ASCC2: variants seen among roughly 807,000 people sequenced by gnomAD.
The protein encoded by ASCC2 is activating signal cointegrator 1 complex subunit 2.
ASCC2 carries 42 observed loss-of-function variants against 93.5 expected under a neutral mutation model. The observed-to-expected ratio is 0.45, with a 90% CI of 0.35 to 0.58. ASCC2 has a LOEUF of 0.58. Among genes scored for constraint, ASCC2 ranks in the 20% least tolerant of loss-of-function variants. ASCC2 has a pLI of 0.00. For missense variants in ASCC2, 859 were observed against 977.6 expected, an observed-to-expected ratio of 0.88 and a Z score of 1.62; for synonymous variants, 364 against 384.2, an observed-to-expected ratio of 0.95 and a Z score of 0.62.
chr22:29,826,910 GCA>G (rs2062414119), intron 2 of ASCC2, among the ~76,000 whole-genome samples: 1 of 151,698 alleles, frequency 6.6e-6, no homozygotes, highest in Non-Finnish European at 1.5e-5. Flanking sequence ...ATCCTGGCTA[GCA>G]CAGTGAAACC....
chr22:29,795,531 A>G (rs1176167683), intron 15 of ASCC2, among the ~76,000 whole-genome samples: 3 of 152,166 alleles, frequency 2.0e-5, no homozygotes, highest in Non-Finnish European at 2.9e-5. Context: ...GTATAAGAAA[A>G]GGGGGTTCCC....
intron 15 of ASCC2, among the ~76,000 whole-genome samples, chr22:29,798,207 T>C (rs1481823004): frequency 6.6e-6 from 1 of 152,212 alleles, no homozygotes; most frequent in Admixed American, 6.5e-5. Flanking sequence ...ACAACAGCCA[T>C]GCTGCACCTC....
At chr22:29,823,521 T>C (rs148255724) in intron 4 of ASCC2, among the ~76,000 whole-genome samples, 1 of 152,282 alleles carries the variant, frequency 6.6e-6, no homozygotes, top group Non-Finnish European at 1.5e-5. Flanking sequence ...TGTTGAAGGG[T>C]ACATGGGATT....
intron 5 of ASCC2, chr22:29,821,909 G>A (rs1009864989): frequency 2.0e-5 from 9 of 447,978 alleles, no homozygotes; most frequent in African/African-American, 1.2e-4. Context: ...TGAGTTGGGG[G>A]GATAGCTTTA....
chr22:29,795,045 C>T (rs1297568611), intron 15 of ASCC2, among the ~76,000 whole-genome samples: 1 of 151,854 alleles, frequency 6.6e-6, no homozygotes, highest in Non-Finnish European at 1.5e-5. Context: ...GTGCCTCAGG[C>T]TCCTGAGTAG....
At chr22:29,806,598 G>A (rs2059698647) in intron 10 of ASCC2, 45 bp from the exon 11 acceptor site, 1 of 1,572,242 alleles carries the variant, frequency 6.4e-7, no homozygotes, top group Non-Finnish European at 8.7e-7. Context: ...AATGCAAGAT[G>A]AGCTGCAGCT....
intron 19 of ASCC2, among the ~76,000 whole-genome samples, chr22:29,790,035 C>A (rs1264577412): frequency 6.6e-6 from 1 of 152,194 alleles, no homozygotes; most frequent in Non-Finnish European, 1.5e-5. Context: ...CCCTTAGGGG[C>A]CCAACTCAAG....
At chr22:29,811,006 C>A (rs756716393) in intron 8 of ASCC2, among the ~76,000 whole-genome samples, 1 of 152,202 alleles carries the variant, frequency 6.6e-6, no homozygotes, top group African/African-American at 2.4e-5. Flanking sequence ...GCTGGAATTA[C>A]AGCCATGAGC....
At chr22:29,830,863 G>A (rs1444293523) in intron 2 of ASCC2, among the ~76,000 whole-genome samples, 1 of 152,180 alleles carries the variant, frequency 6.6e-6, no homozygotes, top group Non-Finnish European at 1.5e-5. Context: ...AAAGGGCAAG[G>A]ACCAGGCCAT....
rs977820437 is a variant in ASCC2, at chr22:29,838,196, G to C, written c.-36C>G. The stretch of plus-strand genomic sequence containing the variant: ...CACTCACCTCGGCGGCTCCACCACC[G>C]GCTCTGTGCCGCCGCCGCCGCCGCC... On this transcript the variant is annotated 5_prime_UTR_variant, in exon 1 of 20. Transcript: ENST00000307790. 6.8e-6 allele frequency: 3 copies of C among 439,918 alleles called. No individual in the cohort carries two copies. Among genetic ancestry groups the C allele is most frequent in the Non-Finnish European group, 1.4e-5 (3 of 221,264 alleles). 27.3% of individuals were successfully genotyped at this position (439,918 alleles called of 1,614,324 possible).
intron 2 of ASCC2, among the ~76,000 whole-genome samples, chr22:29,828,216 A>C (rs1021483386): frequency 6.6e-5 from 10 of 152,286 alleles, no homozygotes; most frequent in African/African-American, 2.4e-4. Flanking sequence ...ATTTTTATGG[A>C]GGCATAAACA....
At chr22:29,800,624 C>T (rs1004099254) in intron 15 of ASCC2, among the ~76,000 whole-genome samples, 2 of 152,238 alleles carry the variant, frequency 1.3e-5, no homozygotes, top group East Asian at 3.8e-4. Flanking sequence ...CCTTAATTTT[C>T]TCACAGCCTG....
At chr22:29,819,264 G>A (rs1406171554) in intron 5 of ASCC2, among the ~76,000 whole-genome samples, 2 of 152,102 alleles carry the variant, frequency 1.3e-5, no homozygotes, top group South Asian at 2.1e-4. Flanking sequence ...AGGTTCAAGC[G>A]ATTCTCCTGC....
Position 29,825,838 on chromosome 22 carries a change from T to C in ASCC2, c.82-58A>G. The C allele has an allele frequency of 6.5e-7, 1 of 1,546,040 alleles. No individual in the cohort carries two copies. The highest frequency in any genetic ancestry group is 8.7e-7 in the Non-Finnish European group (1 of 1,143,022). ...AGAGGTTAGTCAGCGAGGGCCCATTTGCCAACCCACAGCAATGACAACACT... is the reference window on the plus strand; with the variant it reads ...AGAGGTTAGTCAGCGAGGGCCCATTCGCCAACCCACAGCAATGACAACACT... On this transcript the variant is annotated intron_variant, in intron 2 of 19. Coordinates refer to ENST00000307790, the MANE Select transcript of ASCC2 (RefSeq NM_032204.5). The surrounding 1 kb of genome is among the most constrained non-coding windows in gnomAD (Gnocchi z 4.9).
chr22:29,808,949 G>A (rs922685389), intron 8 of ASCC2, among the ~76,000 whole-genome samples: 30 of 151,408 alleles, frequency 2.0e-4, no homozygotes, highest in African/African-American at 5.6e-4. Context: ...GTGAAGCCCC[G>A]TCTCTACTAA....
chr22:29,813,390 G>C (rs529205319), intron 8 of ASCC2, 40 bp downstream of exon 8: 2 of 1,331,080 alleles, frequency 1.5e-6, no homozygotes, highest in Non-Finnish European at 2.2e-6. Context: ...TAGTACATAA[G>C]CCAGTATCTC....
At chr22:29,812,275 A>G (rs1287321613) in intron 8 of ASCC2, among the ~76,000 whole-genome samples, 1 of 152,182 alleles carries the variant, frequency 6.6e-6, no homozygotes, top group East Asian at 1.9e-4. Context: ...TGCTAGAGTG[A>G]CAATCAGAGG....
chr22:29,829,984 A>G (rs73394838), intron 2 of ASCC2, among the ~76,000 whole-genome samples: 20,011 of 152,140 alleles, frequency 0.13, 2,136 homozygotes, highest in African/African-American at 0.3. Context: ...GGGTGGACAC[A>G]TATCTTAGTA....
intron 1 of ASCC2, among the ~76,000 whole-genome samples, chr22:29,837,205 C>T (rs1374261747): frequency 6.6e-6 from 1 of 150,698 alleles, no homozygotes; most frequent in Non-Finnish European, 1.5e-5. Context: ...CCAAGGCGGG[C>T]GGATCACGAG....
Sources: gnomAD v4.1 joint callset for allele counts (sites outside exome capture counted in the v4.1 genomes callset) on GRCh38, gnomAD v4.1.1 for gene constraint, Gnocchi (gnomAD v3.1) non-coding constraint, MANE v1.5 for transcripts, NCBI Gene and HGNC (gene_info 2026-07-23, HGNC 2026-07-21) for gene names.